Variants in KIF15 observed in about 807,000 individuals in gnomAD.
KIF15 encodes kinesin family member 15.
A neutral mutation model predicts 190.6 loss-of-function variants in KIF15; 140 were observed. The ratio of observed to expected loss-of-function variants is 0.73; its 90% CI spans 0.64 to 0.84. KIF15 has a LOEUF of 0.84. Among genes scored for constraint, KIF15 ranks in the 40% least tolerant of loss-of-function variants. The pLI, the probability that KIF15 is intolerant of heterozygous loss-of-function variation, is 0.00. For missense variants in KIF15, 1,372 were observed against 1,584.4 expected, an observed-to-expected ratio of 0.87 and a Z score of 2.28; for synonymous variants, 528 against 551.3, an observed-to-expected ratio of 0.96 and a Z score of 0.59.
At chr3:44,787,252 C>T (rs1264121226) in intron 7 of KIF15, among the ~76,000 whole-genome samples, 1 of 152,126 alleles carries the variant, frequency 6.6e-6, no homozygotes, top group African/African-American at 2.4e-5. Context: ...TCCTCCCTAT[C>T]CCATATCCCT....
At chr3:44,827,024 C>G (rs1418439276) in intron 22 of KIF15, 1 of 456,400 alleles carries the variant, frequency 2.2e-6, no homozygotes, top group Non-Finnish European at 4.4e-6. Context: ...GAACGTAGAG[C>G]TTACATCCAG....
intron 24 of KIF15, among the ~76,000 whole-genome samples, chr3:44,829,587 T>TGTATATATG (rs370112858): frequency 3.5e-5 from 1 of 28,676 alleles, no homozygotes; most frequent in African/African-American, 1.6e-4. Flanking sequence ...TATGTATATA[T>TGTATATATG]TATATATTAT....
intron 6 of KIF15, among the ~76,000 whole-genome samples, chr3:44,860,986 A>T (rs1172725916): frequency 1.3e-5 from 2 of 152,062 alleles, no homozygotes; most frequent in Non-Finnish European, 2.9e-5. Context: ...AAATGGGAAC[A>T]TTTTATTTTT....
intron 26 of KIF15, 56 bp from the exon 27 acceptor site, chr3:44,838,219 G>T: frequency 6.6e-7 from 1 of 1,519,610 alleles, no homozygotes; most frequent in Non-Finnish European, 8.9e-7. Flanking sequence ...GTAATGATTT[G>T]GGAATCCTTA....
Position 44,761,843 on chromosome 3 carries a change from C to A in KIF15, c.-23C>A, listed in dbSNP as rs758565130. The stretch of plus-strand genomic sequence containing the variant: ...GTGGAGGCACCGGCTGCATTGTTTT[C>A]GGGATCGAGGGGTGAGGGCGCTATG... On this transcript the variant is annotated 5_prime_UTR_variant, in exon 1 of 35. Coordinates refer to ENST00000326047, the MANE Select transcript of KIF15 (RefSeq NM_020242.3). 6.2e-7 allele frequency: 1 copy of A among 1,614,028 alleles called. No homozygotes were observed. The highest frequency in any genetic ancestry group is 1.3e-5 in the African/African-American group (1 of 74,912).
chr3:44,801,351 T>A, intron 11 of KIF15, 99 bp from the exon 12 acceptor site: 1 of 684,904 alleles, frequency 1.5e-6, no homozygotes, highest in Middle Eastern at 2.6e-4. Flanking sequence ...TTCTTTTAGA[T>A]TAGTTGAGAG....
Position 44,801,961 on chromosome 3 carries a change from C to T in KIF15, c.1496C>T (p.Thr499Ile), listed in dbSNP as rs1210455973. Reference protein sequence around the residue: ...LLSELRNEIQTLREQIEHHPR... With the variant: ...LLSELRNEIQILREQIEHHPR... ...TCAGAATTAAGGAATGAGATTCAAA[C>T]TCTGCGAGAACAAGTGAGTATACGG... Residue 499 changes from threonine to isoleucine, a missense_variant, in exon 13 of 35, where the codon ACT becomes ATT. Transcript: ENST00000326047. 6.2e-7 allele frequency: 1 copy of T among 1,609,586 alleles called. No homozygotes were observed. Among genetic ancestry groups the T allele is most frequent in the Non-Finnish European group, 8.5e-7 (1 of 1,176,538 alleles).
At chr3:44,867,938 G>T (rs747344440) in intron 6 of KIF15, among the ~76,000 whole-genome samples, 7 of 152,156 alleles carry the variant, frequency 4.6e-5, no homozygotes, top group Non-Finnish European at 5.9e-5. Context: ...CAGGTTCAAA[G>T]GCCTGATAGG....
intron 1 of KIF15, among the ~76,000 whole-genome samples, chr3:44,763,758 G>A (rs963266538): frequency 2.6e-5 from 4 of 151,708 alleles, no homozygotes; most frequent in Non-Finnish European, 4.4e-5. Context: ...CGCAATCTTG[G>A]CTCACTGCAA....
In KIF15 at chr3:44,844,008, A is replaced by G. The variant is rs191211207; in HGVS notation, c.3695+774A>G. On this transcript the variant is annotated intron_variant, in intron 30 of 34. Coordinates refer to ENST00000326047, the MANE Select transcript of KIF15 (RefSeq NM_020242.3). ...TAGAATTATGATTCTGCCTATTGTAACTTTCTGAGTGAGAGTTTGGAGATG... is the reference window on the plus strand; with the variant it reads ...TAGAATTATGATTCTGCCTATTGTAGCTTTCTGAGTGAGAGTTTGGAGATG... Among the ~76,000 whole-genome samples the G allele has an allele frequency of 2.4e-3, 362 of 152,316 alleles. 1 individual carries two copies. Among genetic ancestry groups the G allele is most frequent in the Admixed American group, 4.3e-3 (66 of 15,308 alleles).
chr3:44,827,925 C>T (rs1239844778), intron 23 of KIF15, among the ~76,000 whole-genome samples: 1 of 152,104 alleles, frequency 6.6e-6, no homozygotes, highest in Non-Finnish European at 1.5e-5. Flanking sequence ...GTGATCCACC[C>T]ACCTTGGCCT....
intron 3 of KIF15, among the ~76,000 whole-genome samples, chr3:44,775,695 C>T (rs1705849921): frequency 6.6e-6 from 1 of 151,736 alleles, no homozygotes; most frequent in Non-Finnish European, 1.5e-5. Context: ...ACCTCGTGAT[C>T]TGCCCGCCTC....
At chr3:44,798,154 T>C (rs1707085863) in intron 10 of KIF15, among the ~76,000 whole-genome samples, 198 bp downstream of exon 10, 1 of 151,930 alleles carries the variant, frequency 6.6e-6, no homozygotes, top group Non-Finnish European at 1.5e-5. Context: ...TGGTTGTTAT[T>C]GCTTGACTAG....
chr3:44,803,946 G>A (rs1707383777), intron 14 of KIF15, among the ~76,000 whole-genome samples: 1 of 152,130 alleles, frequency 6.6e-6, no homozygotes, highest in South Asian at 2.1e-4. Flanking sequence ...CCACCTCCTG[G>A]ATTCAAGCAA....
intron 21 of KIF15, 61 bp downstream of exon 21, chr3:44,826,250 G>A: frequency 9.7e-6 from 15 of 1,553,772 alleles, no homozygotes; most frequent in Non-Finnish European, 1.2e-5. Context: ...TGTAGGACAA[G>A]GACTGTCCTT....
intron 7 of KIF15, among the ~76,000 whole-genome samples, chr3:44,787,795 G>A (rs945276046): frequency 9.2e-5 from 14 of 151,820 alleles, no homozygotes; most frequent in Admixed American, 6.6e-4. Context: ...CTTTATTCCA[G>A]TATACCTTAT....
chr3:44,839,666 C>A (rs2135531), intron 27 of KIF15, among the ~76,000 whole-genome samples: 2 of 151,988 alleles, frequency 1.3e-5, no homozygotes, highest in South Asian at 2.1e-4. Flanking sequence ...CAACATCTCC[C>A]ATTGCTGATT....
chr3:44,789,688 ATAT>A (rs1559535609), intron 7 of KIF15, among the ~76,000 whole-genome samples: 14 of 95,164 alleles, frequency 1.5e-4, no homozygotes, highest in African/African-American at 5.3e-4. Flanking sequence ...ATATATATAT[ATAT>A]AAAATAGATA....
At chr3:44,785,175 A>G (rs1341252110) in intron 6 of KIF15, among the ~76,000 whole-genome samples, 1 of 152,198 alleles carries the variant, frequency 6.6e-6, no homozygotes, top group African/African-American at 2.4e-5. Flanking sequence ...TTTATCCCAA[A>G]TTGCTGGTTT....
Sources: gnomAD v4.1 joint callset for allele counts (sites outside exome capture counted in the v4.1 genomes callset) on GRCh38, gnomAD v4.1.1 for gene constraint, MANE v1.5 for transcripts, NCBI Gene and HGNC (gene_info 2026-07-23, HGNC 2026-07-21) for gene names.